Variants in KATNAL2 observed in about 807,000 individuals in gnomAD.
KATNAL2 encodes the protein katanin catalytic subunit A1 like 2.
Under a neutral mutation model 76.3 loss-of-function variants are expected in KATNAL2, and 52 were observed. That is an observed-to-expected ratio of 0.68 (90% CI 0.55 to 0.86). The LOEUF (loss-of-function observed/expected upper bound fraction) is 0.86. Among genes scored for constraint, KATNAL2 ranks in the 40% least tolerant of loss-of-function variants. The pLI, the probability that KATNAL2 is intolerant of heterozygous loss-of-function variation, is 0.00. For missense variants in KATNAL2, 660 were observed against 668.9 expected, an observed-to-expected ratio of 0.99 and a Z score of 0.15; for synonymous variants, 243 against 244.2, an observed-to-expected ratio of 1.00 and a Z score of 0.05.
At chr18:46,930,996 G>A (rs1256428669) in intron 1 of KATNAL2, among the ~76,000 whole-genome samples, 2 of 151,716 alleles carry the variant, frequency 1.3e-5, no homozygotes, top group Non-Finnish European at 2.9e-5. Context: ...CTAGCTACTC[G>A]GGAGGCTGAA....
chr18:47,045,540 C>G (rs2061131007), intron 3 of KATNAL2, among the ~76,000 whole-genome samples: 1 of 152,138 alleles, frequency 6.6e-6, no homozygotes, highest in Admixed American at 6.5e-5. Context: ...CCAGGCTGGT[C>G]TCAAACTCCT....
intron 1 of KATNAL2, among the ~76,000 whole-genome samples, chr18:46,944,247 C>T (rs2059323557): frequency 6.6e-6 from 1 of 152,154 alleles, no homozygotes; most frequent in Non-Finnish European, 1.5e-5. Context: ...TCTAACCTAG[C>T]AGTCTTATAA....
At chr18:46,959,494 C>T (rs887760461) in intron 3 of KATNAL2, among the ~76,000 whole-genome samples, 1 of 152,142 alleles carries the variant, frequency 6.6e-6, no homozygotes, top group Admixed American at 6.5e-5. Context: ...AATATACAGA[C>T]ATAAATTTGT....
rs1286576272 is a variant in KATNAL2, at chr18:47,099,266, G to A, written c.1235G>A (p.Arg412His). The A allele has an allele frequency of 3.7e-6, 6 of 1,613,562 alleles. No homozygotes were observed. Among genetic ancestry groups the A allele is most frequent in the East Asian group, 2.2e-5 (1 of 44,890 alleles). ...LPWELDCAMLRRLEKRILVDL... is the reference protein window; with the variant it reads ...LPWELDCAMLHRLEKRILVDL... ...AGGGAGCTGGACTGTGCCATGTTAC[G>A]CCGCCTGGAGAAGAGGATTCTGGTC... The change falls in exon 16 of 18, where the codon CGC (arginine) becomes CAC (histidine). Residue 412 changes from arginine (R) to histidine (H), a missense_variant. By Grantham distance (29) the Arg-to-His change is conservative. Coordinates refer to ENST00000683218, the MANE Select transcript of KATNAL2 (RefSeq NM_001387690.1).
At chr18:47,058,501 C>T (rs1367301312) in intron 7 of KATNAL2, 149 bp downstream of exon 7, 2 of 595,144 alleles carry the variant, frequency 3.4e-6, no homozygotes, top group African/African-American at 3.7e-5. Flanking sequence ...TTCCAGTACA[C>T]TGGACTAAAA....
intron 3 of KATNAL2, chr18:47,033,096 G>A (rs888416579): frequency 3.1e-6 from 5 of 1,613,952 alleles, no homozygotes; most frequent in South Asian, 1.1e-5. Context: ...TTTTGGCCGC[G>A]GGCGCCGCGT....
intron 5 of KATNAL2, 66 bp downstream of exon 5, chr18:47,053,112 T>G (rs2061381937): frequency 7.4e-7 from 1 of 1,355,682 alleles, no homozygotes; most frequent in African/African-American, 1.5e-5. Context: ...CTTTCTCATC[T>G]TATTCCCAGA....
intron 1 of KATNAL2, among the ~76,000 whole-genome samples, chr18:46,943,503 C>T (rs1408084524): frequency 6.6e-6 from 1 of 152,206 alleles, no homozygotes; most frequent in African/African-American, 2.4e-5. Flanking sequence ...CTCACTGCTA[C>T]ACTCCCACCA....
intron 13 of KATNAL2, among the ~76,000 whole-genome samples, chr18:47,072,801 T>C (rs890913583): frequency 6.6e-6 from 1 of 152,184 alleles, no homozygotes; most frequent in African/African-American, 2.4e-5. Flanking sequence ...ACCTGGCTTT[T>C]CCCCCAACTT....
At chr18:47,036,545 C>A (rs1274844077) in intron 3 of KATNAL2, among the ~76,000 whole-genome samples, 1 of 152,102 alleles carries the variant, frequency 6.6e-6, no homozygotes, top group African/African-American at 2.4e-5. Context: ...ATGTTTTATC[C>A]CCGCTTACAA....
At chr18:46,941,552 C>A (rs2059246530) in intron 1 of KATNAL2, among the ~76,000 whole-genome samples, 1 of 152,024 alleles carries the variant, frequency 6.6e-6, no homozygotes, top group Non-Finnish European at 1.5e-5. Flanking sequence ...CCTTGAGAAA[C>A]AAATGGTAGG....
chr18:46,939,839 G>A (rs1568993887), intron 1 of KATNAL2, among the ~76,000 whole-genome samples: 1 of 152,158 alleles, frequency 6.6e-6, no homozygotes, highest in Non-Finnish European at 1.5e-5. Flanking sequence ...GAACCTTGTT[G>A]CTCAATGTTT....
intron 3 of KATNAL2, among the ~76,000 whole-genome samples, chr18:46,955,140 C>CTCTTTCTTTCTCTCTCTCTT (rs2059693977): frequency 1.2e-5 from 1 of 85,020 alleles, no homozygotes; most frequent in African/African-American, 4.5e-5. Flanking sequence ...CTTTCTCTCT[C>CTCTTTCTTTCTCTCTCTCTT]TCTTTCTTTC....
chr18:47,042,177 T>C (rs1334406094), intron 3 of KATNAL2, among the ~76,000 whole-genome samples: 1 of 152,244 alleles, frequency 6.6e-6, no homozygotes, highest in African/African-American at 2.4e-5. Flanking sequence ...ATCTATTTTA[T>C]AGGTTCGAGG....
intron 15 of KATNAL2, among the ~76,000 whole-genome samples, chr18:47,088,665 G>A (rs755494220): frequency 6.6e-6 from 1 of 152,004 alleles, no homozygotes; most frequent in Non-Finnish European, 1.5e-5. Flanking sequence ...TGCAACCTCC[G>A]CCTCCCAGGT....
intron 10 of KATNAL2, among the ~76,000 whole-genome samples, chr18:47,063,636 G>C (rs1214242867): frequency 3.9e-5 from 6 of 152,140 alleles, no homozygotes; most frequent in Non-Finnish European, 4.4e-5. Context: ...CAGGTGAAAG[G>C]TTTTATAGCA....
intron 15 of KATNAL2, among the ~76,000 whole-genome samples, chr18:47,084,695 A>C (rs2062689162): frequency 6.6e-6 from 1 of 151,760 alleles, no homozygotes. Flanking sequence ...CTAAAAATAC[A>C]AAAATTACCC....
intron 13 of KATNAL2, among the ~76,000 whole-genome samples, chr18:47,070,379 G>GCCA (rs2061958391): frequency 6.6e-6 from 1 of 152,088 alleles, no homozygotes; most frequent in South Asian, 2.1e-4. Flanking sequence ...AGGATTACAG[G>GCCA]CCACCACGCC....
chr18:47,092,302 C>A (rs1044819402), intron 15 of KATNAL2, among the ~76,000 whole-genome samples: 1 of 152,088 alleles, frequency 6.6e-6, no homozygotes, highest in African/African-American at 2.4e-5. Flanking sequence ...AGTTTGAGAC[C>A]AGCCTGGCCA....
Sources: gnomAD v4.1 joint callset for allele counts (sites outside exome capture counted in the v4.1 genomes callset) on GRCh38, gnomAD v4.1.1 for gene constraint, MANE v1.5 for transcripts, NCBI Gene and HGNC (gene_info 2026-07-23, HGNC 2026-07-21) for gene names.